RPH3A: variants seen among roughly 807,000 people sequenced by gnomAD.
RPH3A encodes rabphilin 3A.
In RPH3A, 48 loss-of-function variants were observed where a neutral mutation model predicts 102.2. That is an observed-to-expected ratio of 0.47 (90% CI 0.37 to 0.60). RPH3A has a LOEUF of 0.60. Ranked by LOEUF, RPH3A falls within the 20% of genes least tolerant of loss-of-function variation. The probability of loss-of-function intolerance (pLI) is 0.00; values close to 1 mark genes in which losing one functional copy is unlikely to be tolerated. For missense variants in RPH3A, 781 were observed against 910.1 expected, an observed-to-expected ratio of 0.86 and a Z score of 1.83; for synonymous variants, 310 against 324.3, an observed-to-expected ratio of 0.96 and a Z score of 0.47.
At chr12:112,605,443 CA>C (rs1358703757) in intron 1 of RPH3A, among the ~76,000 whole-genome samples, 1 of 152,028 alleles carries the variant, frequency 6.6e-6, no homozygotes, top group Non-Finnish European at 1.5e-5. Flanking sequence ...AAACAAAAAA[CA>C]AAACCAACAA....
intron 1 of RPH3A, among the ~76,000 whole-genome samples, chr12:112,667,694 GAGAGAGA>G (rs2040096498): frequency 6.7e-6 from 1 of 150,000 alleles, no homozygotes; most frequent in Non-Finnish European, 1.5e-5. Context: ...GAGAGAGAGA[GAGAGAGA>G]GAGAGAGAGA....
intron 4 of RPH3A, among the ~76,000 whole-genome samples, chr12:112,846,508 G>C (rs1337049071): frequency 3.3e-5 from 5 of 152,226 alleles, no homozygotes; most frequent in Non-Finnish European, 7.3e-5. Flanking sequence ...CTAAGGTGGG[G>C]GGATGGCAGA....
intron 1 of RPH3A, among the ~76,000 whole-genome samples, chr12:112,718,585 C>A (rs752770495): frequency 7.9e-5 from 12 of 152,214 alleles, no homozygotes; most frequent in Non-Finnish European, 1.6e-4. Context: ...AGTGTGGGCC[C>A]TTTCCTTCAG....
At chr12:112,640,375 G>C (rs1187832502) in intron 1 of RPH3A, among the ~76,000 whole-genome samples, 1 of 136,986 alleles carries the variant, frequency 7.3e-6, no homozygotes, top group Non-Finnish European at 1.5e-5. Flanking sequence ...AAGCAGCAGG[G>C]CTCTGGCTGA....
At chr12:112,853,247 T>G (rs905255897) in intron 5 of RPH3A, among the ~76,000 whole-genome samples, 1 of 152,222 alleles carries the variant, frequency 6.6e-6, no homozygotes, top group Non-Finnish European at 1.5e-5. Context: ...CAGGTCATAC[T>G]CTCCTCTTTC....
chr12:112,596,223 C>A (rs773831893), intron 1 of RPH3A, among the ~76,000 whole-genome samples: 2 of 152,152 alleles, frequency 1.3e-5, no homozygotes, highest in Non-Finnish European at 2.9e-5. Flanking sequence ...CTCACTGCAG[C>A]CTTGAATTCC....
At chr12:112,674,081 A>T (rs1481975590) in intron 1 of RPH3A, among the ~76,000 whole-genome samples, 2 of 152,100 alleles carry the variant, frequency 1.3e-5, no homozygotes, top group East Asian at 3.9e-4. Context: ...TTTTTGAGAC[A>T]GGGTCTCTGT....
chr12:112,788,714 C>T (rs1485205183), upstream of RPH3A, among the ~76,000 whole-genome samples: 4 of 152,150 alleles, frequency 2.6e-5, no homozygotes, highest in African/African-American at 9.7e-5. Flanking sequence ...AGAGGCCCTC[C>T]CAGAATACAT....
intron 5 of RPH3A, among the ~76,000 whole-genome samples, chr12:112,861,124 T>A (rs2042505723): frequency 6.6e-6 from 1 of 152,198 alleles, no homozygotes; most frequent in Non-Finnish European, 1.5e-5. Flanking sequence ...TCTCCCACCA[T>A]GCTGCCACAG....
chr12:112,781,755 T>C (rs2041010394), intron 1 of RPH3A, among the ~76,000 whole-genome samples: 1 of 152,240 alleles, frequency 6.6e-6, no homozygotes, highest in African/African-American at 2.4e-5. Flanking sequence ...TGCCAGGCTA[T>C]CATGTTAGAT....
chr12:112,772,323 G>T (rs1254952429), intron 1 of RPH3A, among the ~76,000 whole-genome samples: 2 of 152,132 alleles, frequency 1.3e-5, no homozygotes, highest in African/African-American at 2.4e-5. Context: ...TTTACATTTA[G>T]GGCAGCACTG....
intron 4 of RPH3A, among the ~76,000 whole-genome samples, chr12:112,839,146 T>G (rs2042102615): frequency 6.6e-6 from 1 of 152,138 alleles, no homozygotes; most frequent in African/African-American, 2.4e-5. Flanking sequence ...GAATAATACT[T>G]TATTCAGAAG....
chr12:112,595,974 G>C (rs984170142), intron 1 of RPH3A, among the ~76,000 whole-genome samples: 1 of 152,194 alleles, frequency 6.6e-6, no homozygotes, highest in African/African-American at 2.4e-5. Flanking sequence ...AGACATGTGT[G>C]AAGGGAACAG....
At chr12:112,682,153 TAA>T (rs967099656) in intron 1 of RPH3A, among the ~76,000 whole-genome samples, 7 of 152,118 alleles carry the variant, frequency 4.6e-5, no homozygotes, top group African/African-American at 1.7e-4. Flanking sequence ...TATAGATATA[TAA>T]GAGGGGATTT....
chr12:112,672,100 T>G (rs2040136523), intron 1 of RPH3A, among the ~76,000 whole-genome samples: 1 of 151,674 alleles, frequency 6.6e-6, no homozygotes, highest in African/African-American at 2.4e-5. Flanking sequence ...CATACAACTG[T>G]AGGGGTTGGC....
intron 1 of RPH3A, among the ~76,000 whole-genome samples, chr12:112,736,008 T>C (rs144549920): frequency 6.1e-4 from 93 of 152,336 alleles, no homozygotes; most frequent in Non-Finnish European, 1.1e-3. Flanking sequence ...TGACTTTGCA[T>C]AGGCTGTTCC....
chr12:112,706,451 TCTC>T (rs2040427458), intron 1 of RPH3A, among the ~76,000 whole-genome samples: 1 of 152,158 alleles, frequency 6.6e-6, no homozygotes, highest in Non-Finnish European at 1.5e-5. Flanking sequence ...TCTCCTTTTC[TCTC>T]CCTACTGATG....
intron 2 of RPH3A, among the ~76,000 whole-genome samples, chr12:112,804,686 A>G (rs1341326033): frequency 1.3e-5 from 2 of 152,084 alleles, no homozygotes; most frequent in African/African-American, 4.8e-5. Flanking sequence ...ATTGATTACC[A>G]CAGCCCCCCG....
intron 1 of RPH3A, among the ~76,000 whole-genome samples, chr12:112,730,292 G>T (rs1237012779): frequency 6.6e-6 from 1 of 152,240 alleles, no homozygotes; most frequent in East Asian, 1.9e-4. Context: ...GGTCAACACG[G>T]AGATGCACCA....
Sources: allele counts gnomAD v4.1 joint callset (sites outside exome capture counted in the v4.1 genomes callset), GRCh38; gene constraint gnomAD v4.1.1; transcripts MANE v1.5; gene names NCBI Gene and HGNC (gene_info 2026-07-23, HGNC 2026-07-21).